ANKRD31: variants seen among roughly 807,000 people sequenced by gnomAD.
ANKRD31 encodes the protein ankyrin repeat domain 31.
Under a neutral mutation model 186.0 loss-of-function variants are expected in ANKRD31, and 147 were observed. That is an observed-to-expected ratio of 0.79 (90% CI 0.69 to 0.91). The LOEUF is 0.91. Ranked by LOEUF, ANKRD31 falls within the 40% of genes least tolerant of loss-of-function variation. The pLI, the probability that ANKRD31 is intolerant of heterozygous loss-of-function variation, is 0.00. For missense variants in ANKRD31, 1,986 were observed against 2,148.8 expected, an observed-to-expected ratio of 0.92 and a Z score of 1.50; for synonymous variants, 673 against 736.4, an observed-to-expected ratio of 0.91 and a Z score of 1.39.
chr5:75,086,303 G>A (rs1745474036), intron 23 of ANKRD31, among the ~76,000 whole-genome samples: 1 of 152,128 alleles, frequency 6.6e-6, no homozygotes, highest in Non-Finnish European at 1.5e-5. Context: ...CATTAGGTAG[G>A]AGTGATTTAT....
chr5:75,223,343 T>A (rs1757420563), intron 2 of ANKRD31, among the ~76,000 whole-genome samples: 1 of 152,184 alleles, frequency 6.6e-6, no homozygotes, highest in South Asian at 2.1e-4. Flanking sequence ...TCAGGATGAA[T>A]AAAGGCAATC....
At chr5:75,140,194 ACT>A (rs200776464) in intron 15 of ANKRD31, among the ~76,000 whole-genome samples, 2,648 of 150,734 alleles carry the variant, frequency 0.018, 74 homozygotes, top group African/African-American at 0.061. Context: ...ACAGAGATAC[ACT>A]CCGTCTCAAA....
intron 10 of ANKRD31, among the ~76,000 whole-genome samples, chr5:75,177,972 C>T (rs1267525794): frequency 1.3e-5 from 2 of 152,096 alleles, no homozygotes; most frequent in African/African-American, 2.4e-5. Context: ...CATCCGTGTG[C>T]TGTATTCAGG....
chr5:75,203,775 C>T lies in ANKRD31; in HGVS notation c.403+2636G>A, dbSNP rs185396899. 2.0e-5 allele frequency among the ~76,000 whole-genome samples: 3 copies of T among 152,074 alleles called. No homozygotes were observed. In the East Asian group the frequency reaches 5.8e-4, roughly 29 times the overall value. On this transcript the variant is annotated intron_variant, in intron 5 of 25. Coordinates refer to ENST00000506364, the MANE Select transcript of ANKRD31 (RefSeq NM_001372053.1). ...CACCTCTGTCTCAAATTGTTCAATA[C>T]ATCCTCATACACACACACAAAAAGA...
At chr5:75,081,752 C>G (rs1044890217) in intron 24 of ANKRD31, among the ~76,000 whole-genome samples, 2 of 149,904 alleles carry the variant, frequency 1.3e-5, no homozygotes, top group Admixed American at 1.3e-4. Flanking sequence ...GATGGAGCAA[C>G]GGGGGCGGAG....
chr5:75,217,091 G>A (rs1298792118), intron 3 of ANKRD31, among the ~76,000 whole-genome samples: 1 of 152,104 alleles, frequency 6.6e-6, no homozygotes, highest in Non-Finnish European at 1.5e-5. Flanking sequence ...CCAAGAGTGT[G>A]GGTGGTATGA....
chr5:75,222,596 C>T (rs1757371940), intron 2 of ANKRD31, among the ~76,000 whole-genome samples: 1 of 152,012 alleles, frequency 6.6e-6, no homozygotes, highest in African/African-American at 2.4e-5. Flanking sequence ...TAAGTTCTCT[C>T]CCCTCACCCC....
intron 21 of ANKRD31, among the ~76,000 whole-genome samples, chr5:75,107,038 T>C (rs1194874597): frequency 2.0e-5 from 3 of 151,712 alleles, no homozygotes; most frequent in Non-Finnish European, 2.9e-5. Flanking sequence ...AACATTTTTT[T>C]CACAAAAAAA....
chr5:75,227,530 A>G (rs189670322), intron 2 of ANKRD31, among the ~76,000 whole-genome samples: 98 of 152,276 alleles, frequency 6.4e-4, no homozygotes, highest in Middle Eastern at 3.4e-3. Context: ...ATAAATATAT[A>G]CACCTACTAT....
chr5:75,232,758 TA>T (rs1426733630), intron 1 of ANKRD31, among the ~76,000 whole-genome samples: 1 of 152,150 alleles, frequency 6.6e-6, no homozygotes, highest in Non-Finnish European at 1.5e-5. Context: ...CACCCCAAAA[TA>T]AGCCACTGTG....
rs750371805 is a variant in ANKRD31 at position 75,107,583 on chromosome 5, CT to C, written c.4277del (p.Lys1426ArgfsTer25). Reference protein sequence around the residue: ...QYIEKMLKIKKIMDNVLAKQK... With the variant: ...QYIEKMLKIKXIMDNVLAKQK... ...GCTTGGCAAGCACATTATCCATAAT[CT>C]TTTTTATCTTTAACATCTTTTCAAT... On this transcript the variant is annotated frameshift_variant, in exon 21 of 26. Coordinates refer to ENST00000506364, the MANE Select transcript of ANKRD31 (RefSeq NM_001372053.1). LOFTEE classifies it high-confidence loss of function. 2.5e-5 allele frequency: 39 copies of C among 1,530,780 alleles called. No homozygotes were observed. The highest frequency in any genetic ancestry group is 1.7e-4 in the Middle Eastern group (1 of 5,986). 94.8% of individuals were successfully genotyped at this position (1,530,780 alleles called of 1,614,324 possible).
intron 1 of ANKRD31, among the ~76,000 whole-genome samples, chr5:75,232,311 T>C (rs1205388411): frequency 6.6e-6 from 1 of 152,236 alleles, no homozygotes; most frequent in Non-Finnish European, 1.5e-5. Flanking sequence ...TCACCCAGGC[T>C]GGAATGAAGT....
rs149059986 is a variant in ANKRD31 at position 75,137,331 on chromosome 5, A to G, written c.3876+525T>C. Among the ~76,000 whole-genome samples, 216 of 152,284 alleles carry G rather than the reference A, an allele frequency of 1.4e-3. 3 individuals are homozygous for G. The highest frequency in any genetic ancestry group is 2.4e-3 in the Admixed American group (37 of 15,276). The stretch of plus-strand genomic sequence containing the variant: ...AAACATCTGAAGAATCTTAAGGTCG[A>G]GATTTGAAAGTCAGTGTCATTGAAA... On this transcript the variant is annotated intron_variant, in intron 17 of 25. Transcript: ENST00000506364.
chr5:75,199,512 C>G, intron 6 of ANKRD31, 119 bp downstream of exon 6: 1 of 584,528 alleles, frequency 1.7e-6, no homozygotes, highest in Non-Finnish European at 2.6e-6. Flanking sequence ...TTTTATCTAC[C>G]GAAATGGTTT....
chr5:75,210,500 T>C (rs1756552577), intron 4 of ANKRD31, among the ~76,000 whole-genome samples: 1 of 152,178 alleles, frequency 6.6e-6, no homozygotes, highest in African/African-American at 2.4e-5. Flanking sequence ...AATAAGTTTA[T>C]AAAGTCTAAT....
intron 21 of ANKRD31, among the ~76,000 whole-genome samples, chr5:75,106,043 A>C (rs933069849): frequency 6.6e-6 from 1 of 152,146 alleles, no homozygotes; most frequent in Non-Finnish European, 1.5e-5. Flanking sequence ...GAGGAACCCA[A>C]ACAGCTTTTG....
Position 75,104,641 on chromosome 5 carries a change from C to T in ANKRD31, c.4918G>A (p.Gly1640Ser), listed in dbSNP as rs140882867. The T allele has an allele frequency of 7.8e-4, 1,195 of 1,535,960 alleles. 8 individuals are homozygous for T. The African/African-American group carries it at 0.013, about 17-fold the overall frequency. ...HEFYVSSPVIGKLNISETASV... is the reference protein window; with the variant it reads ...HEFYVSSPVISKLNISETASV... ...GCAGTTTCTGAAATATTTAATTTGC[C>T]GATTACTGGGGAAGAAACATAGAAT... is the stretch of plus-strand genomic sequence containing the variant. Residue 1640 changes from glycine (G) to serine (S), a missense_variant, in exon 22 of 26, where the codon GGC becomes AGC. By Grantham distance (56) the Gly-to-Ser change is moderately conservative. Coordinates refer to ENST00000506364, the MANE Select transcript of ANKRD31 (RefSeq NM_001372053.1).
chr5:75,112,395 C>A, intron 20 of ANKRD31, 118 bp downstream of exon 20: 1 of 597,574 alleles, frequency 1.7e-6, no homozygotes, highest in African/African-American at 1.9e-5. Context: ...TAAATACTCT[C>A]ACATAAAAAT....
intron 8 of ANKRD31, 106 bp downstream of exon 8, chr5:75,193,205 T>C: frequency 2.4e-6 from 3 of 1,251,014 alleles, no homozygotes; most frequent in Non-Finnish European, 3.2e-6. Context: ...AAAATAAAGC[T>C]CTTTCCCCTG....
Sources: allele counts gnomAD v4.1 joint callset (sites outside exome capture counted in the v4.1 genomes callset), GRCh38; gene constraint gnomAD v4.1.1; transcripts MANE v1.5; gene names NCBI Gene and HGNC (gene_info 2026-07-23, HGNC 2026-07-21).